Variants in ZNF521 observed in about 807,000 individuals in gnomAD.
ZNF521 encodes LYST-interacting protein 3.
ZNF521 carries 14 observed loss-of-function variants against 105.5 expected under a neutral mutation model. The ratio of observed to expected loss-of-function variants is 0.13; its 90% CI spans 0.09 to 0.21. The LOEUF (loss-of-function observed/expected upper bound fraction) is 0.21, where lower values mean the gene tolerates loss of function less well. ZNF521 is among the 10% of genes least tolerant of loss of function. The pLI, the probability that ZNF521 is intolerant of heterozygous loss-of-function variation, is 1.00. For missense variants in ZNF521, 1,233 were observed against 1,629.7 expected, an observed-to-expected ratio of 0.76 and a Z score of 4.19; for synonymous variants, 635 against 606.0, an observed-to-expected ratio of 1.05 and a Z score of -0.70.
intron 5 of ZNF521, among the ~76,000 whole-genome samples, chr18:25,185,439 T>C (rs1410372676): frequency 6.6e-6 from 1 of 152,132 alleles, no homozygotes; most frequent in Non-Finnish European, 1.5e-5. Flanking sequence ...CCCTCTGTGT[T>C]GTACCGGTCG....
intron 3 of ZNF521, among the ~76,000 whole-genome samples, chr18:25,229,528 C>T (rs1453300950): frequency 7.0e-6 from 1 of 143,736 alleles, no homozygotes; most frequent in Non-Finnish European, 1.5e-5. Context: ...CAACTCACCA[C>T]TCAACATACA....
chr18:25,294,682 C>T (rs775734904), intron 3 of ZNF521, among the ~76,000 whole-genome samples: 2 of 151,738 alleles, frequency 1.3e-5, no homozygotes, highest in Non-Finnish European at 2.9e-5. Context: ...TGGTGAAACT[C>T]CATCTCCACT....
intron 5 of ZNF521, among the ~76,000 whole-genome samples, chr18:25,180,111 CT>C (rs1159127595): frequency 6.6e-6 from 1 of 152,000 alleles, no homozygotes; most frequent in Non-Finnish European, 1.5e-5. Context: ...AATGAAAGCC[CT>C]TTTTTGCCCA....
At chr18:25,340,561 G>C (rs1914141795) in intron 2 of ZNF521, among the ~76,000 whole-genome samples, 1 of 152,144 alleles carries the variant, frequency 6.6e-6, no homozygotes, top group African/African-American at 2.4e-5. Flanking sequence ...TTCACAATTT[G>C]AAAGTATGTT....
chr18:25,339,092 G>T (rs9948506), intron 2 of ZNF521, among the ~76,000 whole-genome samples: 77,361 of 152,134 alleles, frequency 0.51, 20,212 homozygotes, highest in African/African-American at 0.6. Context: ...GCACAGAAGT[G>T]AGCCATGTGC....
chr18:25,118,064 G>A (rs1249064760), intron 5 of ZNF521, among the ~76,000 whole-genome samples: 1 of 151,978 alleles, frequency 6.6e-6, no homozygotes, highest in East Asian at 1.9e-4. Context: ...ATTACACAGA[G>A]CAAAACAATG....
In ZNF521 at chr18:25,132,351, T is replaced by C. The variant is rs552331879; in HGVS notation, c.3659-40270A>G. 1.8e-4 allele frequency among the ~76,000 whole-genome samples: 28 copies of C among 152,250 alleles called. No individual in the cohort carries two copies. The South Asian group carries it at 5.2e-3, about 28-fold the overall frequency. ...CTAACTTGATGACTGCAATAAATGG[T>C]AGGATGTTTAGGAATAAAACATGAG... On this transcript the variant is annotated intron_variant, in intron 5 of 7. Coordinates refer to ENST00000361524, the MANE Select transcript of ZNF521 (RefSeq NM_015461.3).
intron 3 of ZNF521, chr18:25,273,695 TTA>T (rs1218572027): frequency 5.3e-5 from 8 of 152,234 alleles, no homozygotes; most frequent in African/African-American, 1.7e-4. Context: ...TAAATATTTG[TTA>T]TAACTACTTA....
chr18:25,120,586 A>AC (rs202225807), intron 5 of ZNF521, among the ~76,000 whole-genome samples: 130,236 of 146,460 alleles, frequency 0.89, 58,843 homozygotes, highest in Non-Finnish European at 0.98. Context: ...TCCATCTAAA[A>AC]AAAAAAAAAA....
rs1012163782 is a variant in ZNF521 at position 25,225,209 on chromosome 18, A to C, written c.2709T>G (p.Asn903Lys). 1.2e-6 allele frequency: 2 copies of C among 1,614,038 alleles called. No individual in the cohort carries two copies. Among genetic ancestry groups the C allele is most frequent in the Non-Finnish European group, 1.7e-6 (2 of 1,180,012 alleles). Residue 903 changes from asparagine to lysine, a missense_variant, in exon 4 of 8, where the codon AAT (asparagine) becomes AAG (lysine). Coordinates refer to ENST00000361524, the MANE Select transcript of ZNF521 (RefSeq NM_015461.3). This position sits in a 1 kb window ranked among gnomAD's most constrained non-coding sequence, Gnocchi z 5.6. ...AAYTMETLLQ[N>K]HQLRDHNIRP... is the part of the protein sequence containing the mutation. ...TGATGTTGTGGTCTCGGAGCTGGTG[A>C]TTCTGCAGCAAAGTTTCCATAGTGT... is the stretch of plus-strand genomic sequence containing the variant.
intron 5 of ZNF521, among the ~76,000 whole-genome samples, chr18:25,170,860 C>T (rs542700097): frequency 6.6e-6 from 1 of 152,128 alleles, no homozygotes; most frequent in South Asian, 2.1e-4. Context: ...TTGGCATTTG[C>T]ATTTATGAGT....
At chr18:25,120,570 CA>C (rs1404765899) in intron 5 of ZNF521, among the ~76,000 whole-genome samples, 2 of 125,412 alleles carry the variant, frequency 1.6e-5, no homozygotes, top group African/African-American at 6.2e-5. Context: ...GCAACAAGAG[CA>C]AAACTCCATC....
At chr18:25,104,477 C>G (rs558377982) in intron 5 of ZNF521, among the ~76,000 whole-genome samples, 1 of 152,272 alleles carries the variant, frequency 6.6e-6, no homozygotes, top group Admixed American at 6.5e-5. Context: ...GAAAGCAAGT[C>G]ATATTTAGCT....
At chr18:25,074,083 T>C (rs1324683229) in intron 7 of ZNF521, among the ~76,000 whole-genome samples, 1 of 152,194 alleles carries the variant, frequency 6.6e-6, no homozygotes, top group African/African-American at 2.4e-5. Flanking sequence ...TGCGTGCGTG[T>C]GTGCACGCGC....
intron 7 of ZNF521, among the ~76,000 whole-genome samples, chr18:25,072,783 T>G (rs149590523): frequency 6.6e-6 from 1 of 152,200 alleles, no homozygotes; most frequent in Admixed American, 6.5e-5. Context: ...AAGGCTTTGA[T>G]AGGCAATACT....
intron 5 of ZNF521, among the ~76,000 whole-genome samples, chr18:25,172,850 A>G (rs1262326080): frequency 7.2e-5 from 11 of 152,198 alleles, no homozygotes; most frequent in Non-Finnish European, 2.9e-5. Flanking sequence ...AGCTTTGCAC[A>G]TGAATTATGA....
At chr18:25,255,412 T>C (rs189757670) in intron 3 of ZNF521, among the ~76,000 whole-genome samples, 3 of 152,298 alleles carry the variant, frequency 2.0e-5, no homozygotes, top group African/African-American at 7.2e-5. Context: ...CAACCACCTT[T>C]CATAAAATTA....
At chr18:25,174,722 C>T (rs2035506246) in intron 5 of ZNF521, among the ~76,000 whole-genome samples, 1 of 152,176 alleles carries the variant, frequency 6.6e-6, no homozygotes, top group African/African-American at 2.4e-5. Context: ...TCTAAAATTG[C>T]AGTCAAGGCT....
intron 3 of ZNF521, among the ~76,000 whole-genome samples, chr18:25,297,562 T>G (rs1911394068): frequency 6.6e-6 from 1 of 152,122 alleles, no homozygotes; most frequent in African/African-American, 2.4e-5. Context: ...CTAAATGCAG[T>G]ATGACTTAAG....
Sources: allele counts gnomAD v4.1 joint callset (sites outside exome capture counted in the v4.1 genomes callset), GRCh38; gene constraint gnomAD v4.1.1; non-coding constraint Gnocchi (gnomAD v3.1); transcripts MANE v1.5; gene names NCBI Gene and HGNC (gene_info 2026-07-23, HGNC 2026-07-21).